AHNAK2: variants seen among roughly 807,000 people sequenced by gnomAD.
AHNAK2 encodes AHNAK nucleoprotein 2.
AHNAK2 carries 18 observed loss-of-function variants against 30.7 expected under a neutral mutation model. The ratio of observed to expected loss-of-function variants is 0.59; its 90% CI spans 0.41 to 0.87. AHNAK2 has a LOEUF of 0.87. Ranked by LOEUF, AHNAK2 falls within the 40% of genes least tolerant of loss-of-function variation. The probability of loss-of-function intolerance (pLI) is 0.00; values close to 1 mark genes in which losing one functional copy is unlikely to be tolerated. For synonymous variants in AHNAK2, 3,590 were observed against 3,073.8 expected, an observed-to-expected ratio of 1.17 and a Z score of -5.56; for missense variants, 8,604 against 7,373.0, an observed-to-expected ratio of 1.17 and a Z score of -6.11.
rs1282852647 is a variant in AHNAK2 at position 104,978,305 on chromosome 14, C to T, written c.-68G>A. 3 of 141,160 alleles carry T rather than the reference C, an allele frequency of 2.1e-5. No individual in the cohort carries two copies. The highest frequency in any genetic ancestry group is 5.2e-4 in the South Asian group (2 of 3,872). 8.7% of individuals were successfully genotyped at this position (141,160 alleles called of 1,614,324 possible). On this transcript the variant is annotated 5_prime_UTR_variant, in exon 1 of 7. The change creates a new upstream start codon in the 5' untranslated region. Coordinates refer to ENST00000333244, the MANE Select transcript of AHNAK2 (RefSeq NM_138420.4). The stretch of plus-strand genomic sequence containing the variant: ...AGTCGCTGGTCCCGGCTCCGGCGCA[C>T]GGGGCGGGCGGGCGGGAGCCGCGCT...
rs1899303544 is a variant in AHNAK2, at chr14:104,966,370, C to T, written c.56-8698G>A. Among the ~76,000 whole-genome samples, 1 of 152,174 alleles carries T rather than the reference C, an allele frequency of 6.6e-6. No homozygotes were observed. Among genetic ancestry groups the T allele is most frequent in the African/African-American group, 2.4e-5 (1 of 41,444 alleles). ...CCCAAGAATTGTACCCCTGGCAACC[C>T]CACAACACGATCTCCTCCACAGGCC... On this transcript the variant is annotated intron_variant, in intron 1 of 6. Coordinates refer to ENST00000333244, the MANE Select transcript of AHNAK2 (RefSeq NM_138420.4). The surrounding 1 kb of genome is among the most constrained non-coding windows in gnomAD (Gnocchi z 4.3).
rs747283453 is a variant in AHNAK2 at position 104,948,182 on chromosome 14, G to A, written c.7269C>T (p.Val2423=). The change falls in exon 7 of 7, where the codon GTC becomes GTT. Residue 2423 remains valine, a synonymous_variant. Coordinates refer to ENST00000333244, the MANE Select transcript of AHNAK2 (RefSeq NM_138420.4). ...KVDLKGPQID[V]KGPKLDLKGP... ...CTTTCAGGTCCAGCTTGGGGCCCTT[G>A]ACATCTATCTGGGGGCCCTTGAGAT... 124 of 1,612,474 alleles carry A rather than the reference G, an allele frequency of 7.7e-5. No homozygotes were observed. Among genetic ancestry groups the A allele is most frequent in the Admixed American group, 3.5e-4 (21 of 59,912 alleles).
rs1478461330 is a variant in AHNAK2 at position 104,939,664 on chromosome 14, T to C, written c.15787A>G (p.Lys5263Glu). ...CACCTTAGAATATCTGTGGATGATT[T>C]GCTCTCAGAAGCTGTCACTTCTGCA... ...ADAEVTASES[K>E]SSTDILRCDL... Residue 5263 changes from lysine (K) to glutamate (E), a missense_variant, in exon 7 of 7, where the codon AAA becomes GAA. Transcript: ENST00000333244. 5 of 1,613,806 alleles carry C rather than the reference T, an allele frequency of 3.1e-6. No homozygotes were observed. In the East Asian group the frequency reaches 8.9e-5, roughly 29 times the overall value.
Position 104,943,463 on chromosome 14 carries a change from T to C in AHNAK2, c.11988A>G (p.Pro3996=), listed in dbSNP as rs373289625. 1,586 of 1,610,740 alleles carry C rather than the reference T, an allele frequency of 9.8e-4. 29 individuals are homozygous for C. The highest frequency in any genetic ancestry group is 9.1e-3 in the South Asian group (832 of 90,946). ...GGAGGCTCACGTCGGCCTCCACCTT[T>C]GGCGCGGTCACATCCACTGATGCCT... ...SMEASVDVTA[P]KVEADVSLPS... Residue 3996 remains proline (P), a synonymous_variant, in exon 7 of 7, where the codon CCA becomes CCG. Transcript: ENST00000333244.
At chr14:104,975,132 T>A (rs1221459817) in intron 1 of AHNAK2, among the ~76,000 whole-genome samples, 1 of 152,134 alleles carries the variant, frequency 6.6e-6, no homozygotes, top group African/African-American at 2.4e-5. Context: ...GGCATTCCTG[T>A]TGTAGGCCCA....
chr14:104,947,632 C>T lies in AHNAK2; in HGVS notation c.7819G>A (p.Val2607Met), dbSNP rs1031049616. Residue 2607 changes from valine to methionine, a missense_variant, in exon 7 of 7, where the codon GTG becomes ATG. Physicochemically the swap from Val to Met is conservative, Grantham distance 21 (BLOSUM62 1). Transcript: ENST00000333244. ...TCCATGCTGGACAGAGACATCTCCA[C>T]ATCGGGGGCTGTCACTTCCGCCTTG... is the stretch of plus-strand genomic sequence containing the variant. ...GPKAEVTAPD[V>M]EMSLSSMEVD... The T allele has an allele frequency of 1.7e-5, 28 of 1,613,012 alleles. No homozygotes were observed. Among genetic ancestry groups the T allele is most frequent in the Non-Finnish European group, 2.4e-5 (28 of 1,179,686 alleles).
chr14:104,976,999 G>A (rs115147477), intron 1 of AHNAK2, among the ~76,000 whole-genome samples: 2,868 of 152,276 alleles, frequency 0.019, 89 homozygotes, highest in African/African-American at 0.066. Context: ...CTGCGACACC[G>A]TGAAGCAGGT....
chr14:104,974,340 C>T (rs912462145), intron 1 of AHNAK2, among the ~76,000 whole-genome samples: 2 of 152,246 alleles, frequency 1.3e-5, no homozygotes, highest in African/African-American at 2.4e-5. Context: ...TGCCCTAAGA[C>T]CTATGGGGCT....
chr14:104,947,979 G>C lies in AHNAK2; in HGVS notation c.7472C>G (p.Pro2491Arg), dbSNP rs145541349. 3 of 1,611,726 alleles carry C rather than the reference G, an allele frequency of 1.9e-6. No individual in the cohort carries two copies. Among genetic ancestry groups the C allele is most frequent in the Admixed American group, 3.3e-5 (2 of 59,848 alleles). The change falls in exon 7 of 7, where the codon CCG becomes CGG. Residue 2491 changes from proline (P) to arginine (R), a missense_variant. Pro to Arg is a moderately radical substitution (Grantham distance 103). Coordinates refer to ENST00000333244, the MANE Select transcript of AHNAK2 (RefSeq NM_138420.4). ...GCCTGGGGCAGACACCCCGAATGAC[G>C]GCATCTTGAACTTGGGAATTTTGAA... ...SRFKIPKFKM[P>R]SFGVSAPGKS...
chr14:104,950,744 T>G lies in AHNAK2; in HGVS notation c.4707A>C (p.Gly1569=), dbSNP rs564761706. 2 of 1,587,262 alleles carry G rather than the reference T, an allele frequency of 1.3e-6. No homozygotes were observed. The highest frequency in any genetic ancestry group is 2.7e-5 in the African/African-American group (2 of 73,532). The part of the protein sequence containing the change: ...VKLPEGPVSE[G]AGLKGHLPKV... ...TGGGCAGGTGCCCTTTGAGGCCGGCTCCCTCGGACACAGGGCCCTCTGGGA... is the reference window on the plus strand; with the variant it reads ...TGGGCAGGTGCCCTTTGAGGCCGGCGCCCTCGGACACAGGGCCCTCTGGGA... Residue 1569 remains glycine (G), a synonymous_variant, in exon 7 of 7, where the codon GGA becomes GGC. Transcript: ENST00000333244.
intron 1 of AHNAK2, among the ~76,000 whole-genome samples, chr14:104,972,107 C>T (rs1899485452): frequency 6.6e-6 from 1 of 152,244 alleles, no homozygotes; most frequent in South Asian, 2.1e-4. Flanking sequence ...GTCCCAGCCC[C>T]AGGGCAGGGG....
Position 104,947,642 on chromosome 14 carries a change from T to G in AHNAK2, c.7809A>C (p.Thr2603=), listed in dbSNP as rs751790585. Residue 2603 remains threonine, a synonymous_variant, in exon 7 of 7, where the codon ACA becomes ACC. Transcript: ENST00000333244. The part of the protein sequence containing the change: ...LDLKGPKAEV[T]APDVEMSLSS... ...ACAGAGACATCTCCACATCGGGGGC[T>G]GTCACTTCCGCCTTGGGGCCTTTCA... is the stretch of plus-strand genomic sequence containing the variant. 1.8e-5 allele frequency: 29 copies of G among 1,611,728 alleles called. No individual in the cohort carries two copies. Among genetic ancestry groups the G allele is most frequent in the Non-Finnish European group, 2.2e-5 (26 of 1,179,218 alleles).
In AHNAK2 at chr14:104,967,446, C is replaced by T. The variant is rs563930928; in HGVS notation, c.56-9774G>A. Among the ~76,000 whole-genome samples, 269 of 152,324 alleles carry T rather than the reference C, an allele frequency of 1.8e-3. 1 individual carries two copies. The highest frequency in any genetic ancestry group is 6.2e-3 in the African/African-American group (259 of 41,572). The stretch of plus-strand genomic sequence containing the variant: ...AGGGTAGTCTTGTGGGTGTTGGGGC[C>T]GGTGAGGGAGGGTGTCGACAGCAAG... On this transcript the variant is annotated intron_variant, in intron 1 of 6. Transcript: ENST00000333244.
Position 104,948,134 on chromosome 14 carries a change from G to A in AHNAK2, c.7317C>T (p.Ala2439=), listed in dbSNP as rs745940103. ...DLKGPKTDVM[A]PDVEVSQPSV... ...TGGGCTGAGACACCTCCACGTCGGG[G>A]GCCATCACGTCCGTCTTGGGGCCTT... is the stretch of plus-strand genomic sequence containing the variant. The change falls in exon 7 of 7, where the codon GCC becomes GCT. Residue 2439 remains alanine (A), a synonymous_variant. Coordinates refer to ENST00000333244, the MANE Select transcript of AHNAK2 (RefSeq NM_138420.4). 8.7e-6 allele frequency: 14 copies of A among 1,612,108 alleles called. No individual in the cohort carries two copies. The highest frequency in any genetic ancestry group is 1.3e-5 in the African/African-American group (1 of 74,130).
At chr14:104,970,561 T>C (rs1214485591) in intron 1 of AHNAK2, 3 of 975,944 alleles carry the variant, frequency 3.1e-6, no homozygotes, top group African/African-American at 3.5e-5. Flanking sequence ...CTCCCCCCAT[T>C]GTCCCGCCTC....
rs375096262 is a variant in AHNAK2 at position 104,954,993 on chromosome 14, G to A, written c.615C>T (p.Ser205=). ...PAPQDEEWAS[S]DAQHGPQGKE... ...TGCCCTGTGGGCCGTGCTGGGCATC[G>A]CTGGAAGCCCACTCTTCATCCTGTG... is the stretch of plus-strand genomic sequence containing the variant. The change falls in exon 6 of 7, where the codon AGC becomes AGT. Residue 205 remains serine (S), a synonymous_variant. Transcript: ENST00000333244. This position sits in a 1 kb window ranked among gnomAD's most constrained non-coding sequence, Gnocchi z 4.3. The A allele has an allele frequency of 2.5e-5, 40 of 1,613,506 alleles. No individual in the cohort carries two copies. The highest frequency in any genetic ancestry group is 3.3e-5 in the Admixed American group (2 of 60,022).
chr14:104,955,693 C>A (rs1898953482), intron 4 of AHNAK2, 60 bp from the exon 5 acceptor site: 1 of 1,569,334 alleles, frequency 6.4e-7, no homozygotes, highest in Non-Finnish European at 8.7e-7. Flanking sequence ...ATAAGCATCC[C>A]TGCTGGGGCC....
At chr14:104,969,318 C>T (rs1000154960) in intron 1 of AHNAK2, among the ~76,000 whole-genome samples, 10 of 152,370 alleles carry the variant, frequency 6.6e-5, no homozygotes, top group East Asian at 1.9e-4. Flanking sequence ...TGCCATCCAT[C>T]GGTCAGACTG....
rs770846166 is a variant in AHNAK2, at chr14:104,945,202, T to A, written c.10249A>T (p.Lys3417Ter). 1.2e-5 allele frequency: 19 copies of A among 1,613,122 alleles called. No individual in the cohort carries two copies. Among genetic ancestry groups the A allele is most frequent in the Non-Finnish European group, 1.5e-5 (18 of 1,179,668 alleles). Reference sequence around the variant, plus strand: ...GCCTTGGGGACTTTTAGGTCCAGCTTGGGGCCCTTGATGTCCACCTGGGGG... The same window carrying A: ...GCCTTGGGGACTTTTAGGTCCAGCTAGGGGCCCTTGATGTCCACCTGGGGG... ...KSPQVDIKGP[K>*]LDLKVPKAEV... Residue 3417 changes from lysine (K) to a stop codon, truncating the protein, a stop_gained, in exon 7 of 7, where the codon AAG becomes TAG. Coordinates refer to ENST00000333244, the MANE Select transcript of AHNAK2 (RefSeq NM_138420.4). LOFTEE classifies it low-confidence loss of function (END_TRUNC).
Sources: allele counts gnomAD v4.1 joint callset (sites outside exome capture counted in the v4.1 genomes callset), GRCh38; gene constraint gnomAD v4.1.1; non-coding constraint Gnocchi (gnomAD v3.1); transcripts MANE v1.5; gene names NCBI Gene and HGNC (gene_info 2026-07-23, HGNC 2026-07-21).